Variants in NXN observed in about 807,000 individuals in gnomAD.
NXN encodes the protein nucleoredoxin, also known as nucleoredoxin 1.
Under a neutral mutation model 48.6 loss-of-function variants are expected in NXN, and 16 were observed. That is an observed-to-expected ratio of 0.33 (90% CI 0.22 to 0.50). The LOEUF (loss-of-function observed/expected upper bound fraction) is 0.50. Among genes scored for constraint, NXN ranks in the 20% least tolerant of loss-of-function variants. The probability of loss-of-function intolerance (pLI) is 0.98; values close to 1 mark genes in which losing one functional copy is unlikely to be tolerated. For missense variants in NXN, 492 were observed against 605.5 expected (o/e 0.81, Z 1.97); for synonymous variants, 281 against 269.6 (o/e 1.04, Z -0.41).
intron 1 of NXN, among the ~76,000 whole-genome samples, chr17:895,226 AG>A (rs2068465578): frequency 6.6e-6 from 1 of 150,568 alleles, no homozygotes; most frequent in Admixed American, 6.6e-5. Flanking sequence ...CATGTTGGCC[AG>A]GCTAGTCTTG....
chr17:957,080 G>A (rs987699746), intron 1 of NXN, among the ~76,000 whole-genome samples: 1 of 152,194 alleles, frequency 6.6e-6, no homozygotes, highest in Admixed American at 6.5e-5. Context: ...ACTGCCTGAG[G>A]CCAGTGAGAT....
At chr17:929,372 G>A (rs1367665163) in intron 1 of NXN, among the ~76,000 whole-genome samples, 1 of 152,192 alleles carries the variant, frequency 6.6e-6, no homozygotes, top group African/African-American at 2.4e-5. Flanking sequence ...TTTTGACTGT[G>A]CACGAAACTC....
chr17:926,695 A>G (rs1313395900), intron 1 of NXN, among the ~76,000 whole-genome samples: 3 of 150,404 alleles, frequency 2.0e-5, no homozygotes, highest in Non-Finnish European at 4.4e-5. Context: ...ACAGGCGTGC[A>G]CCACCACGTC....
chr17:812,726 TGTGA>T (rs199514228), intron 5 of NXN, among the ~76,000 whole-genome samples: 1,666 of 142,776 alleles, frequency 0.012, 36 homozygotes, highest in African/African-American at 0.042. Context: ...GTGTAGGGTG[TGTGA>T]GTGTAGGGTG....
Position 919,954 on chromosome 17 carries a change from A to G in NXN, c.360+59365T>C, listed in dbSNP as rs1176576281. 6.6e-6 allele frequency among the ~76,000 whole-genome samples: 1 copy of G among 151,372 alleles called. No homozygotes were observed. The highest frequency in any genetic ancestry group is 1.5e-5 in the Non-Finnish European group (1 of 67,554). The stretch of plus-strand genomic sequence containing the variant: ...TCCATCTCTCTCTGCCTCAGCCCCC[A>G]CCGGCACCCTTGGTGCCTTCATCAC... On this transcript the variant is annotated intron_variant, in intron 1 of 7. Transcript: ENST00000336868. The surrounding 1 kb of genome is among the most constrained non-coding windows in gnomAD (Gnocchi z 5.1).
chr17:817,002 A>T (rs531687185), intron 5 of NXN, among the ~76,000 whole-genome samples: 4 of 152,194 alleles, frequency 2.6e-5, no homozygotes, highest in Admixed American at 6.5e-5. Context: ...CTTCTGGTCC[A>T]CTAGGCAACA....
Position 915,200 on chromosome 17 carries a change from C to T in NXN, c.360+64119G>A, listed in dbSNP as rs140525520. 2.8e-3 allele frequency among the ~76,000 whole-genome samples: 421 copies of T among 152,286 alleles called. 2 individuals are homozygous for T. The highest frequency in any genetic ancestry group is 8.7e-3 in the African/African-American group (360 of 41,566). ...AGGTCCACCTCAGCCTCCAAAAGTGCTGGGATTACAGGCGTGAGCCACTGC... is the reference window on the plus strand; with the variant it reads ...AGGTCCACCTCAGCCTCCAAAAGTGTTGGGATTACAGGCGTGAGCCACTGC... On this transcript the variant is annotated intron_variant, in intron 1 of 7. Transcript: ENST00000336868.
At chr17:927,885 T>C (rs1360418720) in intron 1 of NXN, among the ~76,000 whole-genome samples, 3 of 152,102 alleles carry the variant, frequency 2.0e-5, no homozygotes, top group Non-Finnish European at 4.4e-5. Context: ...CTGCACGTGA[T>C]GTTCCTTATA....
intron 1 of NXN, among the ~76,000 whole-genome samples, chr17:900,180 G>A (rs1280304528): frequency 1.3e-5 from 2 of 151,636 alleles, no homozygotes; most frequent in East Asian, 2.0e-4. Flanking sequence ...CAGGAGAATC[G>A]CTTGAACCCG....
chr17:927,426 A>C (rs2068811706), intron 1 of NXN, among the ~76,000 whole-genome samples: 1 of 151,946 alleles, frequency 6.6e-6, no homozygotes. Context: ...CTCGGCAACA[A>C]GGCGAAACCC....
At position 919,206 on chromosome 17, in the gene NXN, T is replaced by C. The variant is rs975790400; in HGVS notation, c.360+60113A>G. On this transcript the variant is annotated intron_variant, in intron 1 of 7. Transcript: ENST00000336868. This position sits in a 1 kb window ranked among gnomAD's most constrained non-coding sequence, Gnocchi z 5.1. The stretch of plus-strand genomic sequence containing the variant: ...GGTGAAAGCCCGTCTCTACTACAAA[T>C]ACAAAAATCAGCCGGGCGTCATGGC... 1.3e-5 allele frequency among the ~76,000 whole-genome samples: 2 copies of C among 151,616 alleles called. No homozygotes were observed. The highest frequency in any genetic ancestry group is 4.9e-5 in the African/African-American group (2 of 41,206).
In NXN at chr17:825,328, T is replaced by G. The variant is rs181117574; in HGVS notation, c.478+633A>C. Reference sequence around the variant, plus strand: ...GTGGCATTTTTACTGGGAAAATGTGTGAGCGGGGTTGAATCTTCTCACTGG... The same window carrying G: ...GTGGCATTTTTACTGGGAAAATGTGGGAGCGGGGTTGAATCTTCTCACTGG... On this transcript the variant is annotated intron_variant, in intron 2 of 7. Coordinates refer to ENST00000336868, the MANE Select transcript of NXN (RefSeq NM_022463.5). This position sits in a 1 kb window ranked among gnomAD's most constrained non-coding sequence, Gnocchi z 4.1. Among the ~76,000 whole-genome samples the G allele has an allele frequency of 6.6e-5, 10 of 152,154 alleles. 1 individual carries two copies. In the South Asian group the frequency reaches 1.9e-3, roughly 28 times the overall value.
intron 1 of NXN, among the ~76,000 whole-genome samples, chr17:842,121 G>A (rs939498000): frequency 6.6e-6 from 1 of 152,120 alleles, no homozygotes; most frequent in Admixed American, 6.5e-5. Context: ...GGGCGACAGA[G>A]AGAGACTCCC....
chr17:852,497 T>C (rs2067934555), intron 1 of NXN, among the ~76,000 whole-genome samples: 1 of 152,162 alleles, frequency 6.6e-6, no homozygotes, highest in Admixed American at 6.5e-5. Context: ...TGAATGTCCA[T>C]ACTGACGTCC....
In NXN at chr17:958,571, G is replaced by A. The variant is rs2069197631; in HGVS notation, c.360+20748C>T. Among the ~76,000 whole-genome samples, 1 of 152,102 alleles carries A rather than the reference G, an allele frequency of 6.6e-6. No homozygotes were observed. The highest frequency in any genetic ancestry group is 2.1e-4 in the South Asian group (1 of 4,828). ...GTGGATCACGAGGTCAGGAGTTCGA[G>A]ACCAGCCTGGCCAACATGGTGAAAC... is the stretch of plus-strand genomic sequence containing the variant. On this transcript the variant is annotated intron_variant, in intron 1 of 7. Transcript: ENST00000336868. This position sits in a 1 kb window ranked among gnomAD's most constrained non-coding sequence, Gnocchi z 6.9.
At chr17:801,733 C>T (rs1019687771) in intron 7 of NXN, among the ~76,000 whole-genome samples, 1 of 152,206 alleles carries the variant, frequency 6.6e-6, no homozygotes, top group Non-Finnish European at 1.5e-5. Context: ...CGTCAGCCAC[C>T]GTGCCAGTCT....
At chr17:977,688 A>G (rs576973429) in intron 1 of NXN, among the ~76,000 whole-genome samples, 3 of 152,368 alleles carry the variant, frequency 2.0e-5, no homozygotes, top group Admixed American at 2.0e-4. Flanking sequence ...TTTTAAGTAG[A>G]CTTTAGTCTA....
intron 1 of NXN, among the ~76,000 whole-genome samples, chr17:865,256 T>TC (rs1426114785): frequency 6.6e-6 from 1 of 151,196 alleles, no homozygotes; most frequent in Non-Finnish European, 1.5e-5. Context: ...TACACTTTTT[T>TC]TTTTGAGACA....
At chr17:900,913 C>CTTTTTT (rs11367844) in intron 1 of NXN, among the ~76,000 whole-genome samples, 33 of 75,858 alleles carry the variant, frequency 4.4e-4, no homozygotes, top group Non-Finnish European at 7.7e-4. Flanking sequence ...GATCTGCATT[C>CTTTTTT]TTTTTTTTTT....
Sources: allele counts gnomAD v4.1 joint callset (sites outside exome capture counted in the v4.1 genomes callset), GRCh38; gene constraint gnomAD v4.1.1; non-coding constraint Gnocchi (gnomAD v3.1); transcripts MANE v1.5; gene names NCBI Gene and HGNC (gene_info 2026-07-23, HGNC 2026-07-21).